LRRC69: variants seen among roughly 807,000 people sequenced by gnomAD.
The protein encoded by LRRC69 is leucine-rich repeat-containing protein 69.
LRRC69 carries 42 observed loss-of-function variants against 37.8 expected under a neutral mutation model. That is an observed-to-expected ratio of 1.11 (90% CI 0.87 to 1.44). LRRC69 has a LOEUF of 1.44. Ranked by LOEUF, LRRC69 falls within the 40% of genes most tolerant of loss-of-function variation. LRRC69 has a pLI of 0.00. For missense variants in LRRC69, 357 were observed against 401.9 expected (o/e 0.89, Z 0.96); for synonymous variants, 141 against 143.1 (o/e 0.99, Z 0.11).
chr8:91,175,074 G>T (rs557194937), intron 5 of LRRC69, among the ~76,000 whole-genome samples: 1 of 152,300 alleles, frequency 6.6e-6, no homozygotes, highest in East Asian at 1.9e-4. Flanking sequence ...TAGAGCAGGA[G>T]AATTCTATGA....
intron 1 of LRRC69, among the ~76,000 whole-genome samples, chr8:91,103,280 G>A (rs965866810): frequency 1.3e-5 from 2 of 150,928 alleles, no homozygotes. Flanking sequence ...CAGCAAGGGA[G>A]TTCCTTTTCA....
intron 5 of LRRC69, among the ~76,000 whole-genome samples, chr8:91,180,344 A>G (rs1809303035): frequency 6.6e-6 from 1 of 152,178 alleles, no homozygotes; most frequent in Non-Finnish European, 1.5e-5. Context: ...GATGCTTAGC[A>G]TGTGGGCTTC....
At chr8:91,175,394 G>A (rs559818864) in intron 5 of LRRC69, among the ~76,000 whole-genome samples, 30 of 152,022 alleles carry the variant, frequency 2.0e-4, no homozygotes, top group Admixed American at 1.4e-3. Context: ...TAACTTCAAC[G>A]TGCACATAGC....
intron 5 of LRRC69, among the ~76,000 whole-genome samples, chr8:91,162,233 T>C (rs1808958145): frequency 1.3e-5 from 2 of 151,544 alleles, no homozygotes; most frequent in African/African-American, 4.8e-5. Context: ...CTGCAGCTGT[T>C]GGATGACATG....
At chr8:91,105,480 T>C (rs1008095384) in intron 1 of LRRC69, among the ~76,000 whole-genome samples, 1 of 151,726 alleles carries the variant, frequency 6.6e-6, no homozygotes, top group Non-Finnish European at 1.5e-5. Context: ...GCTCAGTAGT[T>C]TGAAACTGGC....
At chr8:91,200,729 A>C (rs951218975) in exon 7 of LRRC69, 35 of 1,539,682 alleles carry the variant, frequency 2.3e-5, no homozygotes, top group Non-Finnish European at 3.1e-5. Flanking sequence ...AAACATGTGC[A>C]ATATGTGGAC....
At chr8:91,196,933 T>C (rs1809613561) in intron 6 of LRRC69, among the ~76,000 whole-genome samples, 2 of 152,134 alleles carry the variant, frequency 1.3e-5, no homozygotes, top group Admixed American at 6.5e-5. Flanking sequence ...TTTTAGAGTT[T>C]CCAGTTTTTC....
At chr8:91,161,988 T>C (rs988275213) in intron 5 of LRRC69, among the ~76,000 whole-genome samples, 1 of 151,452 alleles carries the variant, frequency 6.6e-6, no homozygotes, top group Non-Finnish European at 1.5e-5. Context: ...AACTTAAAAG[T>C]TTTCTTCTTA....
At position 91,145,643 on chromosome 8, in the gene LRRC69, C is replaced by CCAAT. The variant is rs1347004170; in HGVS notation, c.651+9905_651+9908dup. ...GACCTTTTAAAAAATGGGAAACAAG[C>CCAAT]CAATGCTATTCTAATGGAAACCCCT... On this transcript the variant is annotated intron_variant, in intron 5 of 7. Coordinates refer to ENST00000448384, the Ensembl canonical transcript of LRRC69. Among the ~76,000 whole-genome samples the CCAAT allele has an allele frequency of 3.1e-4, 47 of 151,860 alleles. No individual in the cohort carries two copies. In the Middle Eastern group the frequency reaches 0.01, roughly 33 times the overall value.
At chr8:91,201,658 A>T (rs2130630326) in intron 7 of LRRC69, among the ~76,000 whole-genome samples, 1 of 152,186 alleles carries the variant, frequency 6.6e-6, no homozygotes, top group Non-Finnish European at 1.5e-5. Flanking sequence ...TTAATACCAG[A>T]ATTCCTTTCT....
chr8:91,212,587 T>G (rs1371496179), intron 7 of LRRC69, among the ~76,000 whole-genome samples: 1 of 152,178 alleles, frequency 6.6e-6, no homozygotes, highest in African/African-American at 2.4e-5. Flanking sequence ...CATTTAATAA[T>G]TTTACTCATT....
At chr8:91,118,073 C>T (rs71528769) in intron 1 of LRRC69, among the ~76,000 whole-genome samples, 8,031 of 151,498 alleles carry the variant, frequency 0.053, 310 homozygotes, top group Middle Eastern at 0.17. Context: ...TTTCAGAGAG[C>T]CTAAATACTA....
At chr8:91,135,765 A>T in intron 5 of LRRC69, 26 bp downstream of exon 5, 1 of 1,280,642 alleles carries the variant, frequency 7.8e-7, no homozygotes, top group Non-Finnish European at 1.0e-6. Context: ...TTCCATTATA[A>T]TTGAAAAATA....
chr8:91,141,059 A>G (rs924306111), intron 5 of LRRC69, among the ~76,000 whole-genome samples: 15 of 152,168 alleles, frequency 9.9e-5, no homozygotes, highest in Admixed American at 3.9e-4. Flanking sequence ...TGGATTTTGA[A>G]TGAACAAGCC....
At chr8:91,201,679 A>C (rs184159013) in intron 7 of LRRC69, among the ~76,000 whole-genome samples, 24 of 152,238 alleles carry the variant, frequency 1.6e-4, no homozygotes, top group African/African-American at 5.3e-4. Context: ...GCTCTTGGTG[A>C]GCCCTTGGCC....
At chr8:91,150,112 C>T (rs1808704317) in intron 5 of LRRC69, among the ~76,000 whole-genome samples, 1 of 151,980 alleles carries the variant, frequency 6.6e-6, no homozygotes, top group Non-Finnish European at 1.5e-5. Flanking sequence ...CCAGAACTTC[C>T]AACACTATGT....
intron 1 of LRRC69, chr8:91,118,274 G>A (rs910818131): frequency 6.7e-6 from 3 of 448,014 alleles, no homozygotes; most frequent in African/African-American, 4.2e-5. Context: ...GGAGGCTGAG[G>A]CAGGCGGATC....
intron 5 of LRRC69, among the ~76,000 whole-genome samples, chr8:91,169,413 A>G (rs533041807): frequency 1.6e-4 from 24 of 152,112 alleles, no homozygotes; most frequent in Non-Finnish European, 2.5e-4. Flanking sequence ...ATAAAAGTTA[A>G]ATTTAGAAAA....
chr8:91,119,029 A>G (rs1446610269), intron 1 of LRRC69, among the ~76,000 whole-genome samples: 1 of 151,972 alleles, frequency 6.6e-6, no homozygotes, highest in Non-Finnish European at 1.5e-5. Flanking sequence ...CTAACACACT[A>G]TTCATTTGTT....
Sources: gnomAD v4.1 joint callset for allele counts (sites outside exome capture counted in the v4.1 genomes callset) on GRCh38, gnomAD v4.1.1 for gene constraint, MANE v1.5 for transcripts, NCBI Gene and HGNC (gene_info 2026-07-23, HGNC 2026-07-21) for gene names.